Variants in ZNF20 observed in about 807,000 individuals in gnomAD.
ZNF20 encodes the protein zinc finger protein KOX13.
ZNF20 carries 9 observed loss-of-function variants against 11.0 expected under a neutral mutation model. The ratio of observed to expected loss-of-function variants is 0.82; its 90% CI spans 0.49 to 1.43. The LOEUF is 1.43. Ranked by LOEUF, ZNF20 falls within the 40% of genes most tolerant of loss-of-function variation. ZNF20 has a pLI of 0.00. For missense variants in ZNF20, 528 were observed against 640.8 expected, an observed-to-expected ratio of 0.82 and a Z score of 1.90; for synonymous variants, 182 against 213.0, an observed-to-expected ratio of 0.85 and a Z score of 1.27.
In ZNF20 at chr19:12,133,466, A is replaced by G. The variant is rs1233009557; in HGVS notation, c.720T>C (p.Thr240=). ...KQCGKAFTRS[T]TLPVHERTHT... is the part of the protein sequence containing the mutation. The stretch of plus-strand genomic sequence containing the variant: ...GAGTTCTTTCATGTACTGGAAGGGT[A>G]GTGGAACGAGTAAAGGCCTTACCAC... Residue 240 remains threonine, a synonymous_variant, in exon 4 of 4, where the codon ACT becomes ACC. Coordinates refer to ENST00000334213, the MANE Select transcript of ZNF20 (RefSeq NM_021143.4). The G allele has an allele frequency of 6.2e-7, 1 of 1,614,056 alleles. No individual in the cohort carries two copies. Among genetic ancestry groups the G allele is most frequent in the African/African-American group, 1.3e-5 (1 of 74,954 alleles).
rs1290877679 is a variant in ZNF20 at position 12,140,286 on chromosome 19, G to A, written c.-104C>T. 3 of 1,469,082 alleles carry A rather than the reference G, an allele frequency of 2.0e-6. No individual in the cohort carries two copies. The highest frequency in any genetic ancestry group is 2.8e-6 in the Non-Finnish European group (3 of 1,071,006). 91.0% of individuals were successfully genotyped at this position (1,469,082 alleles called of 1,614,324 possible). ...ACAGAAGTTGTGGCAGAGGGACCCG[G>A]GGCCTCTCGGAGTAGGAAATCTGGT... is the stretch of plus-strand genomic sequence containing the variant. On this transcript the variant is annotated 5_prime_UTR_variant, in exon 1 of 4. Coordinates refer to ENST00000334213, the MANE Select transcript of ZNF20 (RefSeq NM_021143.4).
intron 3 of ZNF20, 121 bp downstream of exon 3, chr19:12,135,379 A>G: frequency 1.0e-6 from 1 of 967,692 alleles, no homozygotes; most frequent in Non-Finnish European, 1.6e-6. Flanking sequence ...TGACCTTGGG[A>G]TTCACCCACC....
At position 12,132,516 on chromosome 19, in the gene ZNF20, C is replaced by T; in HGVS notation, c.*71G>A. On this transcript the variant is annotated 3_prime_UTR_variant, in exon 4 of 4. Coordinates refer to ENST00000334213, the MANE Select transcript of ZNF20 (RefSeq NM_021143.4). ...GTTATCCAGAGGTTCTTTCACCACTCTCTTTTCTTGTGTTTCAAAGGAAGT... is the reference window on the plus strand; with the variant it reads ...GTTATCCAGAGGTTCTTTCACCACTTTCTTTTCTTGTGTTTCAAAGGAAGT... 6.8e-7 allele frequency: 1 copy of T among 1,460,976 alleles called. No homozygotes were observed. Among genetic ancestry groups the T allele is most frequent in the Non-Finnish European group, 9.2e-7 (1 of 1,087,592 alleles). The allele number at this position is 1,460,976 out of a possible 1,614,324, so 90.5% of individuals were successfully genotyped here.
chr19:12,133,169 A>G lies in ZNF20; in HGVS notation c.1017T>C (p.Tyr339=). ...HGRTHTGEKP[Y]ECRQCGKAFR... is the part of the protein sequence containing the mutation. Reference sequence around the variant, plus strand: ...AGGCTTTACCACATTGCCTACATTCATAGGGTTTCTCTCCAGTGTGAGTCC... The same window carrying G: ...AGGCTTTACCACATTGCCTACATTCGTAGGGTTTCTCTCCAGTGTGAGTCC... The change falls in exon 4 of 4, where the codon TAT becomes TAC. Residue 339 remains tyrosine (Y), a synonymous_variant. Transcript: ENST00000334213. 1 of 1,613,754 alleles carries G rather than the reference A, an allele frequency of 6.2e-7. No homozygotes were observed. Among genetic ancestry groups the G allele is most frequent in the Non-Finnish European group, 8.5e-7 (1 of 1,179,756 alleles).
Position 12,133,909 on chromosome 19 carries a change from T to A in ZNF20, c.277A>T (p.Met93Leu), listed in dbSNP as rs200667667. The change falls in exon 4 of 4, where the codon ATG becomes TTG. Residue 93 changes from methionine to leucine, a missense_variant. Physicochemically the swap from Met to Leu is conservative, Grantham distance 15 (BLOSUM62 2). Coordinates refer to ENST00000334213, the MANE Select transcript of ZNF20 (RefSeq NM_021143.4). ...CCAGGAAGAGTTTTCCTGTTCAGCA[T>A]GTCATCTGCAATCTGGTTGAAGCTT... ...GESFNQIADDMLNRKTLPGIT... is the reference protein window; with the variant it reads ...GESFNQIADDLLNRKTLPGIT... 80 of 1,614,184 alleles carry A rather than the reference T, an allele frequency of 5.0e-5. No individual in the cohort carries two copies. In the African/African-American group the frequency reaches 1.0e-3, roughly 21 times the overall value.
chr19:12,140,289 C>T lies in ZNF20; in HGVS notation c.-107G>A, dbSNP rs1976781617. ...GAAGTTGTGGCAGAGGGACCCGGGG[C>T]CTCTCGGAGTAGGAAATCTGGTATC... On this transcript the variant is annotated 5_prime_UTR_variant, in exon 1 of 4. Transcript: ENST00000334213. 1 of 1,445,504 alleles carries T rather than the reference C, an allele frequency of 6.9e-7. No individual in the cohort carries two copies. Among genetic ancestry groups the T allele is most frequent in the Non-Finnish European group, 9.5e-7 (1 of 1,049,808 alleles). 89.5% of individuals were successfully genotyped at this position (1,445,504 alleles called of 1,614,324 possible). A position where few individuals can be genotyped will look rare whatever the true frequency, so the allele number is the denominator to read the frequency against.
intron 1 of ZNF20, chr19:12,137,303 A>G (rs1976728194): frequency 7.3e-6 from 1 of 137,394 alleles, no homozygotes; most frequent in Admixed American, 7.1e-5. Context: ...CTGTCTCAGA[A>G]AAAAAAAAAA....
chr19:12,134,559 C>G (rs1312893226), intron 3 of ZNF20, among the ~76,000 whole-genome samples: 1 of 152,102 alleles, frequency 6.6e-6, no homozygotes, highest in Non-Finnish European at 1.5e-5. Flanking sequence ...ACGAGAATAC[C>G]TCGAACCCAA....
At chr19:12,137,980 A>G (rs530221250) in intron 1 of ZNF20, among the ~76,000 whole-genome samples, 1 of 152,192 alleles carries the variant, frequency 6.6e-6, no homozygotes, top group Admixed American at 6.5e-5. Context: ...CCTTTGGGAG[A>G]TCCCACACCC....
At chr19:12,134,554 A>G (rs1420949333) in intron 3 of ZNF20, among the ~76,000 whole-genome samples, 1 of 152,130 alleles carries the variant, frequency 6.6e-6, no homozygotes, top group African/African-American at 2.4e-5. Flanking sequence ...AAGGCACGAG[A>G]ATACCTCGAA....
At chr19:12,134,296 C>A (rs1453064795) in intron 3 of ZNF20, among the ~76,000 whole-genome samples, 1 of 151,740 alleles carries the variant, frequency 6.6e-6, no homozygotes, top group Non-Finnish European at 1.5e-5. Context: ...TGTGCTCTAG[C>A]CTGGGTGACA....
intron 1 of ZNF20, 101 bp downstream of exon 1, chr19:12,140,079 C>A: frequency 4.1e-6 from 6 of 1,456,038 alleles, no homozygotes; most frequent in Non-Finnish European, 5.6e-6. Flanking sequence ...GGTCCCAGAT[C>A]CAGGAGGCGC....
chr19:12,133,767 T>C lies in ZNF20; in HGVS notation c.419A>G (p.Glu140Gly), dbSNP rs767576943. The C allele has an allele frequency of 8.1e-6, 13 of 1,613,848 alleles. No individual in the cohort carries two copies. In the South Asian group the frequency reaches 1.3e-4, roughly 16 times the overall value. ...ACATTCCTTATTTCTATATGGATTC[T>C]CTCCATATTCCTGATACTCAGATGA... is the stretch of plus-strand genomic sequence containing the variant. Reference protein sequence around the residue: ...HKSSEYQEYGENPYRNKECKK... With the variant: ...HKSSEYQEYGGNPYRNKECKK... The change falls in exon 4 of 4, where the codon GAG becomes GGG. Residue 140 changes from glutamate to glycine, a missense_variant. By Grantham distance (98) the Glu-to-Gly change is moderately conservative. Coordinates refer to ENST00000334213, the MANE Select transcript of ZNF20 (RefSeq NM_021143.4).
At chr19:12,138,704 G>A (rs923980114) in intron 1 of ZNF20, among the ~76,000 whole-genome samples, 3 of 151,760 alleles carry the variant, frequency 2.0e-5, no homozygotes, top group Non-Finnish European at 4.4e-5. Flanking sequence ...AATAAAGAAA[G>A]TTGATACAGG....
rs747635997 is a variant in ZNF20 at position 12,139,116 on chromosome 19, C to T, written c.3+1064G>A. On this transcript the variant is annotated intron_variant, in intron 1 of 3. Coordinates refer to ENST00000334213, the MANE Select transcript of ZNF20 (RefSeq NM_021143.4). The surrounding 1 kb of genome is among the most constrained non-coding windows in gnomAD (Gnocchi z 4.0). The stretch of plus-strand genomic sequence containing the variant: ...TCAAATTGAGGCAGGAAAATAGGGT[C>T]TGGACGCAGGGAACATAAGGCCTAT... Among the ~76,000 whole-genome samples, 61 of 152,196 alleles carry T rather than the reference C, an allele frequency of 4.0e-4. 1 individual carries two copies. Among genetic ancestry groups the T allele is most frequent in the Admixed American group, 2.6e-4 (4 of 15,264 alleles).
chr19:12,132,722 A>G lies in ZNF20; in HGVS notation c.1464T>C (p.Phe488=). Residue 488 remains phenylalanine (F), a synonymous_variant, in exon 4 of 4, where the codon TTT becomes TTC. Coordinates refer to ENST00000334213, the MANE Select transcript of ZNF20 (RefSeq NM_021143.4). ...CATGATATCGAATGTAATTGGAAAT[A>G]AAGGCCTTACCACAGTGCTTACATT... ...PYECKHCGKA[F]ISNYIRYHER... is the part of the protein sequence containing the mutation. 6.2e-7 allele frequency: 1 copy of G among 1,613,938 alleles called. No homozygotes were observed. Among genetic ancestry groups the G allele is most frequent in the Non-Finnish European group, 8.5e-7 (1 of 1,179,984 alleles).
In ZNF20 at chr19:12,133,278, A is replaced by G. The variant is rs1337476958; in HGVS notation, c.908T>C (p.Met303Thr). 6.2e-7 allele frequency: 1 copy of G among 1,614,084 alleles called. No homozygotes were observed. Among genetic ancestry groups the G allele is most frequent in the East Asian group, 2.2e-5 (1 of 44,866 alleles). The change falls in exon 4 of 4, where the codon ATG becomes ACG. Residue 303 changes from methionine to threonine, a missense_variant. Physicochemically the swap from Met to Thr is moderately conservative, Grantham distance 81. Transcript: ENST00000334213. The part of the protein sequence containing the change: ...ISFSSIQYHK[M>T]THTGEKPYEC... ...ATAGGGTTTCTCTCCAGTGTGAGTC[A>G]TCTTATGATACTGAATGGAACTGAA...
At position 12,135,753 on chromosome 19, in the gene ZNF20, A is replaced by G; in HGVS notation, c.139+16T>C. 6.2e-7 allele frequency: 1 copy of G among 1,612,788 alleles called. No homozygotes were observed. The highest frequency in any genetic ancestry group is 2.2e-5 in the East Asian group (1 of 44,880). ...TTGTTCTCTAATTCACTGGGAAGTA[A>G]TATTGTCATTCTTACCTACAGAGGT... is the stretch of plus-strand genomic sequence containing the variant. On this transcript the variant is annotated intron_variant, in intron 2 of 3. Coordinates refer to ENST00000334213, the MANE Select transcript of ZNF20 (RefSeq NM_021143.4).
rs1976781990 is a variant in ZNF20, at chr19:12,140,304, A to T, written c.-122T>A. Reference sequence around the variant, plus strand: ...GGACCCGGGGCCTCTCGGAGTAGGAAATCTGGTATCCCGACAACAACCTGC... The same window carrying T: ...GGACCCGGGGCCTCTCGGAGTAGGATATCTGGTATCCCGACAACAACCTGC... On this transcript the variant is annotated 5_prime_UTR_variant, in exon 1 of 4. Transcript: ENST00000334213. 7.8e-7 allele frequency: 1 copy of T among 1,287,990 alleles called. No individual in the cohort carries two copies. Among genetic ancestry groups the T allele is most frequent in the Non-Finnish European group, 1.1e-6 (1 of 907,198 alleles). The allele number at this position is 1,287,990 out of a possible 1,614,324, so 79.8% of individuals were successfully genotyped here.
Sources: allele counts gnomAD v4.1 joint callset (sites outside exome capture counted in the v4.1 genomes callset), GRCh38; gene constraint gnomAD v4.1.1; non-coding constraint Gnocchi (gnomAD v3.1); transcripts MANE v1.5; gene names NCBI Gene and HGNC (gene_info 2026-07-23, HGNC 2026-07-21).